Variants in SYN3 observed in about 807,000 individuals in gnomAD.
The protein encoded by SYN3 is synapsin-3.
Under a neutral mutation model 65.8 loss-of-function variants are expected in SYN3, and 35 were observed. The observed-to-expected ratio is 0.53, with a 90% CI of 0.41 to 0.70. The LOEUF (loss-of-function observed/expected upper bound fraction) is 0.70. Ranked by LOEUF, SYN3 falls within the 30% of genes least tolerant of loss-of-function variation. SYN3 has a pLI of 0.00. For synonymous variants in SYN3, 270 were observed against 292.9 expected (o/e 0.92, Z 0.80); for missense variants, 680 against 749.0 (o/e 0.91, Z 1.08).
At chr22:32,890,799 C>CTATA (rs199866612) in intron 4 of SYN3, among the ~76,000 whole-genome samples, 8 of 151,700 alleles carry the variant, frequency 5.3e-5, no homozygotes, top group African/African-American at 1.9e-4. Context: ...TTTATAATAA[C>CTATA]TATATATATA....
intron 4 of SYN3, among the ~76,000 whole-genome samples, chr22:32,898,788 T>C (rs1205633753): frequency 1.3e-5 from 2 of 152,132 alleles, no homozygotes; most frequent in African/African-American, 4.8e-5. Context: ...CCTCTCTGAG[T>C]TTCCATGTCC....
intron 6 of SYN3, among the ~76,000 whole-genome samples, chr22:32,631,121 C>A (rs555522112): frequency 1.3e-5 from 2 of 152,050 alleles, no homozygotes; most frequent in Non-Finnish European, 2.9e-5. Flanking sequence ...ATGGAGAAAC[C>A]CTGTCTCTAC....
intron 6 of SYN3, among the ~76,000 whole-genome samples, chr22:32,651,732 T>C (rs1416391512): frequency 6.6e-6 from 1 of 152,180 alleles, no homozygotes; most frequent in African/African-American, 2.4e-5. Context: ...CTGCTACTGA[T>C]GCTGCAACCA....
At chr22:32,751,829 T>A (rs138746080) in intron 6 of SYN3, among the ~76,000 whole-genome samples, 1 of 152,190 alleles carries the variant, frequency 6.6e-6, no homozygotes, top group Non-Finnish European at 1.5e-5. Context: ...TGGTTTACAC[T>A]CAGACTGGTG....
At chr22:32,630,278 G>A (rs979385130) in intron 6 of SYN3, among the ~76,000 whole-genome samples, 6 of 151,922 alleles carry the variant, frequency 3.9e-5, no homozygotes, top group East Asian at 1.9e-4. Flanking sequence ...CACCACACCC[G>A]GCCGTATGTA....
At chr22:32,789,459 A>G (rs1020495154) in intron 6 of SYN3, among the ~76,000 whole-genome samples, 6 of 152,232 alleles carry the variant, frequency 3.9e-5, no homozygotes, top group Non-Finnish European at 8.8e-5. Flanking sequence ...ACTCTGATAT[A>G]AAACAGAGTT....
At chr22:32,917,124 A>T (rs552024391) in intron 4 of SYN3, among the ~76,000 whole-genome samples, 11 of 152,332 alleles carry the variant, frequency 7.2e-5, no homozygotes, top group African/African-American at 2.2e-4. Context: ...AGACTTCCTC[A>T]TTTAGTCCTC....
chr22:32,604,509 A>G lies in SYN3; in HGVS notation c.712-7773T>C, dbSNP rs533427424. Among the ~76,000 whole-genome samples, 229 of 140,324 alleles carry G rather than the reference A, an allele frequency of 1.6e-3. 4 individuals are homozygous for G. Among genetic ancestry groups the G allele is most frequent in the Non-Finnish European group, 2.2e-3 (139 of 61,920 alleles). 92.1% of individuals were successfully genotyped at this position (140,324 alleles called of 152,430 possible). A position where few individuals can be genotyped will look rare whatever the true frequency, so the allele number is the denominator to read the frequency against. On this transcript the variant is annotated intron_variant, in intron 6 of 13. Transcript: ENST00000358763. Reference sequence around the variant, plus strand: ...CTCCCTCACACTCTTTTCTAGGCCAATCCCGTCTCATACTCATGTCTCCGC... The same window carrying G: ...CTCCCTCACACTCTTTTCTAGGCCAGTCCCGTCTCATACTCATGTCTCCGC...
chr22:32,575,820 G>A (rs1437984198), intron 7 of SYN3, among the ~76,000 whole-genome samples: 1 of 151,896 alleles, frequency 6.6e-6, no homozygotes, highest in Admixed American at 6.6e-5. Flanking sequence ...ATGGGACCAG[G>A]CAAGAGGAGC....
At chr22:32,711,098 G>A (rs1213075790) in intron 6 of SYN3, among the ~76,000 whole-genome samples, 1 of 152,172 alleles carries the variant, frequency 6.6e-6, no homozygotes, top group Admixed American at 6.5e-5. Context: ...CAAGACTGAG[G>A]TGGGTCTTTG....
At chr22:32,731,741 C>T (rs1253665612) in intron 6 of SYN3, among the ~76,000 whole-genome samples, 1 of 152,174 alleles carries the variant, frequency 6.6e-6, no homozygotes, top group Non-Finnish European at 1.5e-5. Context: ...TGACAAAGCC[C>T]TTTACAAGGC....
At chr22:32,574,738 C>T (rs2058827962) in intron 7 of SYN3, among the ~76,000 whole-genome samples, 1 of 152,232 alleles carries the variant, frequency 6.6e-6, no homozygotes, top group Non-Finnish European at 1.5e-5. Flanking sequence ...CATAGCTAGG[C>T]AGCGCCTTCT....
chr22:32,545,536 G>A (rs1485842572), intron 7 of SYN3, among the ~76,000 whole-genome samples: 1 of 152,140 alleles, frequency 6.6e-6, no homozygotes, highest in Non-Finnish European at 1.5e-5. Context: ...CCAACAGTGA[G>A]CATGGAACCC....
intron 6 of SYN3, among the ~76,000 whole-genome samples, chr22:32,800,509 G>T (rs1021986044): frequency 4.6e-5 from 7 of 152,182 alleles, no homozygotes; most frequent in African/African-American, 1.7e-4. Context: ...TATTGTGAGA[G>T]CTATAATACG....
At chr22:32,785,546 C>G (rs1013462565) in intron 6 of SYN3, among the ~76,000 whole-genome samples, 1 of 152,150 alleles carries the variant, frequency 6.6e-6, no homozygotes, top group African/African-American at 2.4e-5. Flanking sequence ...TGTTCTTCTG[C>G]AAGGATTTCA....
At chr22:32,860,917 T>G (rs1358724609) in intron 6 of SYN3, 1 of 148,392 alleles carries the variant, frequency 6.7e-6, no homozygotes. Flanking sequence ...TGTTGTGTTT[T>G]TTTTTTTTTT....
At chr22:32,682,069 G>GTGACAAAGTCGACAGTCCGTGGAAA (rs2060530454) in intron 6 of SYN3, among the ~76,000 whole-genome samples, 11 of 151,972 alleles carry the variant, frequency 7.2e-5, no homozygotes, top group Admixed American at 1.3e-4. Flanking sequence ...GGGAGATGAG[G>GTGACAAAGTCGACAGTCCGTGGAAA]GGCAGCAGGG....
intron 4 of SYN3, among the ~76,000 whole-genome samples, chr22:32,924,026 T>C (rs1484620981): frequency 2.0e-5 from 3 of 152,226 alleles, no homozygotes; most frequent in African/African-American, 4.8e-5. Flanking sequence ...GATCTCCTTC[T>C]TTTTTATGGC....
chr22:32,704,601 T>A (rs1379498076), intron 6 of SYN3, among the ~76,000 whole-genome samples: 1 of 152,190 alleles, frequency 6.6e-6, no homozygotes, highest in Non-Finnish European at 1.5e-5. Flanking sequence ...GATTGTGGGG[T>A]CAAATAATAG....
Sources: gnomAD v4.1 joint callset for allele counts (sites outside exome capture counted in the v4.1 genomes callset) on GRCh38, gnomAD v4.1.1 for gene constraint, MANE v1.5 for transcripts, NCBI Gene and HGNC (gene_info 2026-07-23, HGNC 2026-07-21) for gene names.